Variants in YPEL2 observed in about 807,000 individuals in gnomAD.
The protein encoded by YPEL2 is yippee like 2.
Under a neutral mutation model 19.1 loss-of-function variants are expected in YPEL2, and 2 were observed. That is an observed-to-expected ratio of 0.10 (90% CI 0.04 to 0.33). YPEL2 has a LOEUF of 0.33. Ranked by LOEUF, YPEL2 falls within the 10% of genes least tolerant of loss-of-function variation. The pLI is 1.00. For missense variants in YPEL2, 66 were observed against 140.7 expected, an observed-to-expected ratio of 0.47 and a Z score of 2.68; for synonymous variants, 52 against 50.0, an observed-to-expected ratio of 1.04 and a Z score of -0.17.
chr17:59,334,084 C>T (rs1451504), intron 1 of YPEL2, among the ~76,000 whole-genome samples: 45,433 of 151,916 alleles, frequency 0.3, 7,678 homozygotes, highest in South Asian at 0.45. Context: ...GACTGGTATC[C>T]CTCCCTCTCC....
chr17:59,371,010 A>G (rs1567749233), intron 2 of YPEL2, among the ~76,000 whole-genome samples: 1 of 152,058 alleles, frequency 6.6e-6, no homozygotes, highest in Non-Finnish European at 1.5e-5. Flanking sequence ...AGTTCCGCAC[A>G]CTGGGAGGAG....
chr17:59,394,456 G>A (rs564945298), intron 4 of YPEL2, among the ~76,000 whole-genome samples: 4 of 151,492 alleles, frequency 2.6e-5, no homozygotes, highest in African/African-American at 9.7e-5. Context: ...AGATGGGATG[G>A]CGGCCGGGAA....
chr17:59,383,638 ATATATATATATATG>A (rs1436151135), intron 2 of YPEL2, among the ~76,000 whole-genome samples: 2 of 107,812 alleles, frequency 1.9e-5, no homozygotes, highest in African/African-American at 6.7e-5. Flanking sequence ...ATATATATAT[ATATATATATATATG>A]GTCTAATAGT....
intron 2 of YPEL2, among the ~76,000 whole-genome samples, chr17:59,384,604 A>G (rs2047971308): frequency 6.6e-6 from 1 of 152,232 alleles, no homozygotes; most frequent in Non-Finnish European, 1.5e-5. Flanking sequence ...AGTCCAGGGA[A>G]GGTCCTAGTG....
chr17:59,392,376 G>A (rs148962265), intron 4 of YPEL2, among the ~76,000 whole-genome samples: 2 of 152,290 alleles, frequency 1.3e-5, no homozygotes, highest in Non-Finnish European at 2.9e-5. Context: ...CATGATGCCA[G>A]CTGAGGAGGA....
intron 1 of YPEL2, among the ~76,000 whole-genome samples, chr17:59,348,073 G>A (rs1567734432): frequency 6.6e-6 from 1 of 152,154 alleles, no homozygotes; most frequent in African/African-American, 2.4e-5. Flanking sequence ...TGTGGAGGTT[G>A]GTCTTATTAG....
intron 2 of YPEL2, among the ~76,000 whole-genome samples, chr17:59,372,061 T>TC (rs1035573796): frequency 2.6e-5 from 4 of 152,046 alleles, no homozygotes; most frequent in Middle Eastern, 3.4e-3. Flanking sequence ...CAAGGAGAGG[T>TC]CCCCCATCAT....
rs747147775 is a variant in YPEL2 at position 59,388,281 on chromosome 17, A to G, written c.118-46A>G. 4.7e-5 allele frequency: 75 copies of G among 1,606,320 alleles called. 3 individuals are homozygous for G. In the Admixed American group the frequency reaches 1.2e-3, roughly 26 times the overall value. On this transcript the variant is annotated intron_variant, in intron 2 of 4. Transcript: ENST00000312655. ...ATTGGGGTTGGTTTCCCAAACAGATAGGTGAAATGGATGTCTAACTATCGA... is the reference window on the plus strand; with the variant it reads ...ATTGGGGTTGGTTTCCCAAACAGATGGGTGAAATGGATGTCTAACTATCGA...
intron 2 of YPEL2, among the ~76,000 whole-genome samples, chr17:59,380,272 CTTTTTTTTTT>C (rs548409762): frequency 9.4e-6 from 1 of 106,426 alleles, no homozygotes; most frequent in Non-Finnish European, 1.8e-5. Context: ...TATCTAACTT[CTTTTTTTTTT>C]TTTTTTTTTT....
At chr17:59,376,401 T>TA (rs1375537572) in intron 2 of YPEL2, among the ~76,000 whole-genome samples, 4 of 152,148 alleles carry the variant, frequency 2.6e-5, no homozygotes, top group Admixed American at 6.5e-5. Flanking sequence ...GTATTTTTGA[T>TA]AGAGACGGGG....
At chr17:59,396,354 A>T (rs1448721589) in intron 4 of YPEL2, among the ~76,000 whole-genome samples, 1 of 152,254 alleles carries the variant, frequency 6.6e-6, no homozygotes, top group Non-Finnish European at 1.5e-5. Context: ...TATTGTAGTC[A>T]TGGGAGACAG....
At chr17:59,352,517 A>G (rs973708353) in intron 1 of YPEL2, among the ~76,000 whole-genome samples, 1 of 152,186 alleles carries the variant, frequency 6.6e-6, no homozygotes, top group Non-Finnish European at 1.5e-5. Context: ...TGAATTTTAG[A>G]TGCAGGATTC....
chr17:59,332,388 C>G (rs1040961332), intron 1 of YPEL2, among the ~76,000 whole-genome samples: 3 of 152,186 alleles, frequency 2.0e-5, no homozygotes, highest in African/African-American at 7.2e-5. Context: ...TCGAGGTAAC[C>G]GCAGCCGAGT....
rs898519639 is a variant in YPEL2 at position 59,401,444 on chromosome 17, G to A, written c.*4254G>A. The stretch of plus-strand genomic sequence containing the variant: ...TAACATTTCGGTGACAGTGGGAGTC[G>A]GTTCCCTTTCCCAACCTGCAGAGAC... On this transcript the variant is annotated 3_prime_UTR_variant, in exon 5 of 5. Transcript: ENST00000312655. 5 of 152,570 alleles carry A rather than the reference G, an allele frequency of 3.3e-5. No homozygotes were observed. The highest frequency in any genetic ancestry group is 3.8e-4 in the East Asian group (2 of 5,200). The allele number at this position is 152,570 out of a possible 1,614,324, so 9.5% of individuals were successfully genotyped here. A position where few individuals can be genotyped will look rare whatever the true frequency, so the allele number is the denominator to read the frequency against.
intron 1 of YPEL2, among the ~76,000 whole-genome samples, chr17:59,339,218 A>G (rs2047715181): frequency 6.6e-6 from 1 of 151,578 alleles, no homozygotes; most frequent in African/African-American, 2.4e-5. Context: ...TAAGAGAGAA[A>G]TGAATTAACT....
chr17:59,383,857 T>C (rs1313773510), intron 2 of YPEL2, among the ~76,000 whole-genome samples: 1 of 151,908 alleles, frequency 6.6e-6, no homozygotes, highest in Non-Finnish European at 1.5e-5. Flanking sequence ...CAATAGTTTG[T>C]TCCTCTTTAT....
At chr17:59,372,870 A>G (rs757637287) in intron 2 of YPEL2, among the ~76,000 whole-genome samples, 1 of 152,168 alleles carries the variant, frequency 6.6e-6, no homozygotes, top group Non-Finnish European at 1.5e-5. Context: ...CATACAGTGT[A>G]GTGTTGTTAT....
chr17:59,366,540 C>T (rs950689878), intron 2 of YPEL2, among the ~76,000 whole-genome samples: 1 of 152,172 alleles, frequency 6.6e-6, no homozygotes, highest in Non-Finnish European at 1.5e-5. Context: ...CTGAGCTAGC[C>T]CAGCCGAGTC....
chr17:59,335,377 C>T (rs182973313), intron 1 of YPEL2, among the ~76,000 whole-genome samples: 58 of 152,250 alleles, frequency 3.8e-4, no homozygotes, highest in African/African-American at 8.9e-4. Context: ...AGGCACCACA[C>T]GGCTTGTCCT....
Sources: allele counts gnomAD v4.1 joint callset (sites outside exome capture counted in the v4.1 genomes callset), GRCh38; gene constraint gnomAD v4.1.1; transcripts MANE v1.5; gene names NCBI Gene and HGNC (gene_info 2026-07-23, HGNC 2026-07-21).